The following EXPH5 variants were observed in gnomAD, a reference collection of about 807,000 sequenced individuals.
The protein encoded by EXPH5 is exophilin-5.
Under a neutral mutation model 41.1 loss-of-function variants are expected in EXPH5, and 42 were observed. The ratio of observed to expected loss-of-function variants is 1.02; its 90% CI spans 0.80 to 1.32. The LOEUF (loss-of-function observed/expected upper bound fraction) is 1.32. Ranked by LOEUF, EXPH5 falls within the 40% of genes most tolerant of loss-of-function variation. The pLI is 0.00. For synonymous variants in EXPH5, 798 were observed against 833.5 expected, an observed-to-expected ratio of 0.96 and a Z score of 0.73; for missense variants, 2,298 against 2,314.5, an observed-to-expected ratio of 0.99 and a Z score of 0.15.
chr11:108,510,601 T>A lies in EXPH5; in HGVS notation c.4906A>T (p.Thr1636Ser), dbSNP rs35267152. 6.7e-4 allele frequency: 1,084 copies of A among 1,614,090 alleles called. 9 individuals are homozygous for A. The African/African-American group carries it at 0.013, about 19-fold the overall frequency. The change falls in exon 6 of 6, where the codon ACA becomes TCA. Residue 1636 changes from threonine to serine, a missense_variant. Thr to Ser is a moderately conservative substitution (Grantham distance 58). Coordinates refer to ENST00000265843, the MANE Select transcript of EXPH5 (RefSeq NM_015065.3). ...RSGFDHLSLG[T>S]VECNPLFPEP... The stretch of plus-strand genomic sequence containing the variant: ...GGGAACAGTGGGTTGCACTCCACTG[T>A]GCCAAGAGATAAATGGTCAAAGCCA...
Position 108,539,094 on chromosome 11 carries a change from A to G in EXPH5, c.373T>C (p.Phe125Leu), listed in dbSNP as rs1327921988. The change falls in exon 3 of 6, where the codon TTT (phenylalanine) becomes CTT (leucine). Residue 125 changes from phenylalanine to leucine, a missense_variant. By Grantham distance (22) the Phe-to-Leu change is conservative. Transcript: ENST00000265843. ...TTCCTGAATGAGAACAGGGAAGCAA[A>G]TGACGATCTGAAGCTCATCCGGGAA... Reference protein sequence around the residue: ...FSSRMSFRSSFASLFSFRKSG... With the variant: ...FSSRMSFRSSLASLFSFRKSG... 6.2e-7 allele frequency: 1 copy of G among 1,612,402 alleles called. No individual in the cohort carries two copies. Among genetic ancestry groups the G allele is most frequent in the Non-Finnish European group, 8.5e-7 (1 of 1,178,992 alleles).
Position 108,511,887 on chromosome 11 carries a change from T to G in EXPH5, c.3620A>C (p.Asn1207Thr). ...ASRRSVFALS[N>T]EDPLPFCSDL... is the part of the protein sequence containing the mutation. Reference sequence around the variant, plus strand: ...TGAGCAAAAAGGTAAAGGGTCTTCATTTGAAAGAGCAAATACACTTCTCCT... The same window carrying G: ...TGAGCAAAAAGGTAAAGGGTCTTCAGTTGAAAGAGCAAATACACTTCTCCT... Residue 1207 changes from asparagine to threonine, a missense_variant, in exon 6 of 6, where the codon AAT (asparagine) becomes ACT (threonine). Transcript: ENST00000265843. 1 of 1,588,412 alleles carries G rather than the reference T, an allele frequency of 6.3e-7. No individual in the cohort carries two copies. Among genetic ancestry groups the G allele is most frequent in the Non-Finnish European group, 8.5e-7 (1 of 1,172,214 alleles).
At chr11:108,528,695 CTTTTTTTT>C (rs58500316) in intron 3 of EXPH5, among the ~76,000 whole-genome samples, 6 of 106,336 alleles carry the variant, frequency 5.6e-5, no homozygotes, top group South Asian at 6.6e-4. Context: ...TTTTCTTTCC[CTTTTTTTT>C]TTTTTTTTTT....
At chr11:108,577,766 A>G (rs1476924090) in intron 1 of EXPH5, among the ~76,000 whole-genome samples, 2 of 152,046 alleles carry the variant, frequency 1.3e-5, no homozygotes, top group Non-Finnish European at 2.9e-5. Flanking sequence ...ATTTCATTGT[A>G]GTTTTGATTT....
intron 1 of EXPH5, among the ~76,000 whole-genome samples, chr11:108,542,392 G>T (rs1310223439): frequency 1.3e-5 from 2 of 148,710 alleles, no homozygotes; most frequent in African/African-American, 5.0e-5. Flanking sequence ...AAAAGTTTTT[G>T]CCAGTAGTTA....
At chr11:108,596,663 A>T (rs940353282), upstream of EXPH5, among the ~76,000 whole-genome samples, 5 of 152,188 alleles carry the variant, frequency 3.3e-5, no homozygotes, top group African/African-American at 4.8e-5. Context: ...AAACCCTAAG[A>T]TAGCAAAGGA....
chr11:108,553,814 T>G (rs2093979107), intron 1 of EXPH5, among the ~76,000 whole-genome samples: 1 of 152,242 alleles, frequency 6.6e-6, no homozygotes, highest in Non-Finnish European at 1.5e-5. Context: ...GATGTGATCC[T>G]GTACACAAAT....
At chr11:108,589,416 A>G (rs2094122136) in intron 1 of EXPH5, among the ~76,000 whole-genome samples, 1 of 152,170 alleles carries the variant, frequency 6.6e-6, no homozygotes, top group African/African-American at 2.4e-5. Flanking sequence ...CCACTTTATG[A>G]CTTTGACATA....
intron 1 of EXPH5, among the ~76,000 whole-genome samples, chr11:108,585,495 G>A (rs1431654398): frequency 1.3e-5 from 2 of 152,180 alleles, no homozygotes; most frequent in Non-Finnish European, 2.9e-5. Flanking sequence ...CCTCTATGAG[G>A]AGGGGGACTT....
intron 3 of EXPH5, chr11:108,538,163 T>C (rs2093891334): frequency 1.0e-6 from 1 of 985,436 alleles, no homozygotes; most frequent in African/African-American, 1.7e-5. Flanking sequence ...AGCTGCTTGC[T>C]GCCTCTTGTT....
rs746049231 is a variant in EXPH5, at chr11:108,513,773, G to T, written c.1734C>A (p.Gly578=). The stretch of plus-strand genomic sequence containing the variant: ...CAGTCATGGAGCAAACATTTGGTGT[G>T]CCAAAATGAGGAGTCAACTGGGTCT... ...GNETQLTPHF[G]TPNVCSMTGS... The change falls in exon 6 of 6, where the codon GGC becomes GGA. Residue 578 remains glycine (G), a synonymous_variant. Coordinates refer to ENST00000265843, the MANE Select transcript of EXPH5 (RefSeq NM_015065.3). The T allele has an allele frequency of 3.7e-6, 6 of 1,602,532 alleles. No individual in the cohort carries two copies. Among genetic ancestry groups the T allele is most frequent in the Middle Eastern group, 1.7e-4 (1 of 6,008 alleles).
At chr11:108,517,052 A>C (rs1442612469) in intron 5 of EXPH5, among the ~76,000 whole-genome samples, 1 of 152,220 alleles carries the variant, frequency 6.6e-6, no homozygotes, top group African/African-American at 2.4e-5. Flanking sequence ...GAATGTATTT[A>C]GAACAGAAAA....
chr11:108,582,178 T>C (rs532466828), intron 1 of EXPH5, among the ~76,000 whole-genome samples: 2 of 152,144 alleles, frequency 1.3e-5, no homozygotes, highest in Admixed American at 6.5e-5. Context: ...AAAAATAGTA[T>C]ACAGGCTGGG....
chr11:108,517,584 G>T (rs1213196073), intron 5 of EXPH5, among the ~76,000 whole-genome samples: 1 of 152,164 alleles, frequency 6.6e-6, no homozygotes, highest in Non-Finnish European at 1.5e-5. Flanking sequence ...TAAGATACAT[G>T]TGCATTTGGA....
At position 108,512,187 on chromosome 11, in the gene EXPH5, G is replaced by A; in HGVS notation, c.3320C>T (p.Ser1107Phe). ...AAGTGGTCCTTTTCTAACGGAAGTA[G>A]ATCCACTGCTTTTTACATTTGTCAT... ...ERMTNVKSSGSTSVRKGPLPF... is the reference protein window; with the variant it reads ...ERMTNVKSSGFTSVRKGPLPF... Residue 1107 changes from serine to phenylalanine, a missense_variant, in exon 6 of 6, where the codon TCT (serine) becomes TTT (phenylalanine). Coordinates refer to ENST00000265843, the MANE Select transcript of EXPH5 (RefSeq NM_015065.3). 6.2e-7 allele frequency: 1 copy of A among 1,610,804 alleles called. No individual in the cohort carries two copies. The highest frequency in any genetic ancestry group is 1.1e-5 in the South Asian group (1 of 90,518).
chr11:108,571,205 A>C (rs902509546), intron 1 of EXPH5, among the ~76,000 whole-genome samples: 4 of 152,220 alleles, frequency 2.6e-5, no homozygotes, highest in Non-Finnish European at 5.9e-5. Flanking sequence ...CCTTTTAAAG[A>C]CTTGCCTGGA....
intron 1 of EXPH5, among the ~76,000 whole-genome samples, chr11:108,561,032 A>G (rs77061684): frequency 0.023 from 3,430 of 152,322 alleles, 147 homozygotes; most frequent in African/African-American, 0.078. Flanking sequence ...AAATAATAAT[A>G]TAACTAACAT....
chr11:108,541,684 G>A lies in EXPH5; in HGVS notation c.248C>T (p.Thr83Ile). The A allele has an allele frequency of 6.2e-7, 1 of 1,609,472 alleles. No individual in the cohort carries two copies. The highest frequency in any genetic ancestry group is 8.5e-7 in the Non-Finnish European group (1 of 1,178,382). The change falls in exon 2 of 6, where the codon ACA (threonine) becomes ATA (isoleucine). Residue 83 changes from threonine to isoleucine, a missense_variant. Thr to Ile is a moderately conservative substitution (Grantham distance 89, BLOSUM62 -1). Coordinates refer to ENST00000265843, the MANE Select transcript of EXPH5 (RefSeq NM_015065.3). The part of the protein sequence containing the change: ...DVSQMLKQPL[T>I]YRLSKEMAKN... ...TGCCATCTCCTTACTTAGCCTGTAT[G>A]TAAGTGGTTGTTTTAACATTTGGCT...
chr11:108,602,772 T>G, the EXPH5 span, among the ~76,000 whole-genome samples: 1 of 152,170 alleles, frequency 6.6e-6, no homozygotes, highest in Non-Finnish European at 1.5e-5. Context: ...GAAAGGAAAA[T>G]AGAAACCCAA....
Sources: allele counts gnomAD v4.1 joint callset (sites outside exome capture counted in the v4.1 genomes callset), GRCh38; gene constraint gnomAD v4.1.1; transcripts MANE v1.5; gene names NCBI Gene and HGNC (gene_info 2026-07-23, HGNC 2026-07-21).